Variants in SH3D19 observed in about 807,000 individuals in gnomAD.
SH3D19 encodes the protein SH3 domain containing 19.
Under a neutral mutation model 112.1 loss-of-function variants are expected in SH3D19, and 58 were observed. The ratio of observed to expected loss-of-function variants is 0.52; its 90% CI spans 0.42 to 0.64. SH3D19 has a LOEUF of 0.64. Ranked by LOEUF, SH3D19 falls within the 30% of genes least tolerant of loss-of-function variation. The pLI, the probability that SH3D19 is intolerant of heterozygous loss-of-function variation, is 0.00. For missense variants in SH3D19, 1,090 were observed against 1,263.4 expected (o/e 0.86, Z 2.08); for synonymous variants, 391 against 448.5 (o/e 0.87, Z 1.62).
intron 1 of SH3D19, among the ~76,000 whole-genome samples, chr4:151,302,556 G>A (rs1728535215): frequency 6.6e-6 from 1 of 151,130 alleles, no homozygotes; most frequent in African/African-American, 2.4e-5. Flanking sequence ...GAGATAGTAA[G>A]TATTTTAGGC....
chr4:151,322,500 C>CA (rs11420449), intron 1 of SH3D19, among the ~76,000 whole-genome samples: 13,187 of 122,536 alleles, frequency 0.11, 1,481 homozygotes, highest in African/African-American at 0.29. Flanking sequence ...ATAATTCTGC[C>CA]AAAAAAAAAA....
At chr4:151,219,267 C>G (rs1580229883) in intron 2 of SH3D19, among the ~76,000 whole-genome samples, 1 of 152,274 alleles carries the variant, frequency 6.6e-6, no homozygotes, top group East Asian at 1.9e-4. Flanking sequence ...CTGACTTCAG[C>G]AAGAATCCTA....
At chr4:151,276,131 C>T (rs1773600075) in intron 1 of SH3D19, among the ~76,000 whole-genome samples, 1 of 152,210 alleles carries the variant, frequency 6.6e-6, no homozygotes, top group Admixed American at 6.5e-5. Context: ...GCATGAGCCA[C>T]CGTGCCTGGC....
chr4:151,201,670 A>G (rs1764400842), intron 2 of SH3D19, among the ~76,000 whole-genome samples: 1 of 152,246 alleles, frequency 6.6e-6, no homozygotes, highest in African/African-American at 2.4e-5. Context: ...GCCAATTTCA[A>G]TGAAATACAA....
Position 151,194,016 on chromosome 4 carries a change from A to ATTTTTTTTTTTTTTTTTTTTTTTTTTT in SH3D19, c.153-6580_153-6554dup, listed in dbSNP as rs201719037. Among the ~76,000 whole-genome samples the ATTTTTTTTTTTTTTTTTTTTTTTTTTT allele has an allele frequency of 1.8e-5, 2 of 111,902 alleles. 1 individual carries two copies. Among genetic ancestry groups the ATTTTTTTTTTTTTTTTTTTTTTTTTTT allele is most frequent in the African/African-American group, 8.9e-5 (2 of 22,412 alleles). 73.4% of individuals were successfully genotyped at this position (111,902 alleles called of 152,430 possible). On this transcript the variant is annotated intron_variant, in intron 2 of 19. Transcript: ENST00000604030. ...GATGTGTAGCAGTATAGTAGGATTA[A>ATTTTTTTTTTTTTTTTTTTTTTTTTTT]TTTTTTTTTTTTTTTTTTTTTTTTT...
intron 7 of SH3D19, among the ~76,000 whole-genome samples, chr4:151,170,142 T>C (rs1350044611): frequency 6.6e-6 from 1 of 152,262 alleles, no homozygotes; most frequent in Non-Finnish European, 1.5e-5. Flanking sequence ...TGGTTTGGCA[T>C]GCCCAAAGGC....
At position 151,120,447 on chromosome 4, in the gene SH3D19, T is replaced by C. The variant is rs1747825448; in HGVS notation, c.*1644A>G. ...GATGTTAAAATTATAAAGGCAAAGA[T>C]ATATACCTCATGTTCCATTCCATAT... On this transcript the variant is annotated 3_prime_UTR_variant, in exon 20 of 20. Coordinates refer to ENST00000604030, the MANE Select transcript of SH3D19 (RefSeq NM_001378122.1). 6.6e-6 allele frequency: 1 copy of C among 152,554 alleles called. No individual in the cohort carries two copies. Among genetic ancestry groups the C allele is most frequent in the Non-Finnish European group, 1.5e-5 (1 of 68,022 alleles). The allele number at this position is 152,554 out of a possible 1,614,324, so 9.5% of individuals were successfully genotyped here.
intron 1 of SH3D19, among the ~76,000 whole-genome samples, chr4:151,243,135 A>T (rs551960536): frequency 6.6e-6 from 1 of 152,318 alleles, no homozygotes; most frequent in African/African-American, 2.4e-5. Flanking sequence ...ATAGCACAAT[A>T]AAAAAGAAAG....
At chr4:151,227,172 T>G (rs1376446304) in intron 1 of SH3D19, among the ~76,000 whole-genome samples, 5 of 152,218 alleles carry the variant, frequency 3.3e-5, no homozygotes, top group Admixed American at 1.3e-4. Context: ...ACAGGAATGC[T>G]TTTAGTTTTT....
chr4:151,319,115 A>AG (rs1290202488), intron 1 of SH3D19, among the ~76,000 whole-genome samples: 1 of 152,150 alleles, frequency 6.6e-6, no homozygotes, highest in Non-Finnish European at 1.5e-5. Flanking sequence ...CAGTGGTGTG[A>AG]TCTCAGTTCA....
intron 2 of SH3D19, among the ~76,000 whole-genome samples, chr4:151,208,261 C>T (rs1408638026): frequency 6.6e-6 from 1 of 152,232 alleles, no homozygotes; most frequent in Non-Finnish European, 1.5e-5. Context: ...AGCTTCACTC[C>T]ATGGGTGAGA....
intron 2 of SH3D19, among the ~76,000 whole-genome samples, chr4:151,204,248 G>T (rs1322297184): frequency 6.6e-6 from 1 of 152,146 alleles, no homozygotes; most frequent in Non-Finnish European, 1.5e-5. Flanking sequence ...TTAAGGTAAA[G>T]TCATGTCCAA....
At position 151,175,426 on chromosome 4, in the gene SH3D19, A is replaced by T; in HGVS notation, c.778T>A (p.Ser260Thr). ...AGAGACTGGGGCCGGCCTGGGGATG[A>T]CTCCTCTCCTACGGCTGCTGGGCTG... ...KISPAAVGEESSPGRPQSLLD... is the reference protein window; with the variant it reads ...KISPAAVGEETSPGRPQSLLD... Residue 260 changes from serine to threonine, a missense_variant, in exon 7 of 20, where the codon TCA (serine) becomes ACA (threonine). Transcript: ENST00000604030. The T allele has an allele frequency of 2.6e-6, 4 of 1,517,874 alleles. No homozygotes were observed. The highest frequency in any genetic ancestry group is 4.6e-5 in the East Asian group (2 of 43,372). 94.0% of individuals were successfully genotyped at this position (1,517,874 alleles called of 1,614,324 possible). A position where few individuals can be genotyped will look rare whatever the true frequency, so the allele number is the denominator to read the frequency against.
intron 8 of SH3D19, among the ~76,000 whole-genome samples, chr4:151,162,136 C>T (rs923074458): frequency 1.3e-5 from 2 of 151,864 alleles, no homozygotes. Flanking sequence ...TGTCCTAATG[C>T]TCTCCCTCCC....
chr4:151,294,620 A>C (rs1775574920), intron 1 of SH3D19, among the ~76,000 whole-genome samples: 1 of 152,184 alleles, frequency 6.6e-6, no homozygotes, highest in Non-Finnish European at 1.5e-5. Context: ...AGAAATCCAA[A>C]TGTCAGTCAT....
At chr4:151,185,338 G>A (rs141522460) in intron 3 of SH3D19, among the ~76,000 whole-genome samples, 44 of 152,174 alleles carry the variant, frequency 2.9e-4, no homozygotes, top group African/African-American at 1.0e-3. Context: ...GTCCTCAGAC[G>A]TCAGCGTCTC....
intron 1 of SH3D19, among the ~76,000 whole-genome samples, chr4:151,286,184 G>GAAAAAAAAAA (rs56850648): frequency 3.3e-3 from 288 of 86,264 alleles, no homozygotes; most frequent in Non-Finnish European, 4.2e-3. Flanking sequence ...CTGTCTTAAA[G>GAAAAAAAAAA]AAAAAAAAAA....
intron 9 of SH3D19, among the ~76,000 whole-genome samples, chr4:151,152,661 G>C (rs1455088897): frequency 1.3e-5 from 2 of 151,402 alleles, no homozygotes; most frequent in Non-Finnish European, 2.9e-5. Context: ...TGGGATTACA[G>C]GCATGCGCCA....
rs1390773845 is a variant in SH3D19, at chr4:151,177,584, A to G, written c.237-629T>C. 5.3e-5 allele frequency among the ~76,000 whole-genome samples: 8 copies of G among 152,172 alleles called. No homozygotes were observed. In the South Asian group the frequency reaches 1.2e-3, roughly 24 times the overall value. On this transcript the variant is annotated intron_variant, in intron 4 of 19. Transcript: ENST00000604030. ...GGCTGATCTCGAACTCCTGACCACA[A>G]GCAATCTGCCCACCTCAGCCTCCCA...
Sources: gnomAD v4.1 joint callset for allele counts (sites outside exome capture counted in the v4.1 genomes callset) on GRCh38, gnomAD v4.1.1 for gene constraint, MANE v1.5 for transcripts, NCBI Gene and HGNC (gene_info 2026-07-23, HGNC 2026-07-21) for gene names.